PLOD1: variants seen among roughly 807,000 people sequenced by gnomAD.
The protein encoded by PLOD1 is procollagen-lysine,2-oxoglutarate 5-dioxygenase 1.
In PLOD1, 70 loss-of-function variants were observed where a neutral mutation model predicts 94.7. The observed-to-expected ratio is 0.74, with a 90% CI of 0.61 to 0.90. The LOEUF is 0.90. Among genes scored for constraint, PLOD1 ranks in the 40% least tolerant of loss-of-function variants. PLOD1 has a pLI of 0.00. For synonymous variants in PLOD1, 417 were observed against 400.2 expected (o/e 1.04, Z -0.50); for missense variants, 905 against 972.7 (o/e 0.93, Z 0.93).
chr1:11,953,825 A>T lies in PLOD1; in HGVS notation c.580-1005A>T, dbSNP rs1202045014. Among the ~76,000 whole-genome samples the T allele has an allele frequency of 2.0e-5, 3 of 151,860 alleles. No individual in the cohort carries two copies. The South Asian group carries it at 6.2e-4, about 31-fold the overall frequency. On this transcript the variant is annotated intron_variant, in intron 5 of 18. Coordinates refer to ENST00000196061, the MANE Select transcript of PLOD1 (RefSeq NM_000302.4). ...AAAGCAATAATGATAATACTTTCTC[A>T]CAGAGATGTTGTCAGGATTAAATTG... is the stretch of plus-strand genomic sequence containing the variant.
chr1:11,965,482 T>C lies in PLOD1; in HGVS notation c.1473T>C (p.Asp491=), dbSNP rs139165192. The stretch of plus-strand genomic sequence containing the variant: ...TCCACCGGGCCTGTCCTCCCCAGGA[T>C]GTGTTCATGTTCCTGACCAACCGGC... The part of the protein sequence containing the change: ...MAFCANIRQQ[D]VFMFLTNRHT... The change falls in exon 14 of 19, where the codon GAT becomes GAC. Residue 491 remains aspartate, a splice_region_variant and synonymous_variant. Coordinates refer to ENST00000196061, the MANE Select transcript of PLOD1 (RefSeq NM_000302.4). 9.4e-5 allele frequency: 150 copies of C among 1,600,932 alleles called. No homozygotes were observed. The African/African-American group carries it at 1.6e-3, about 17-fold the overall frequency.
chr1:11,960,305 C>G (rs1645768976), intron 9 of PLOD1, among the ~76,000 whole-genome samples: 1 of 152,196 alleles, frequency 6.6e-6, no homozygotes, highest in African/African-American at 2.4e-5. Flanking sequence ...TTGAGGATCA[C>G]CTGGCACATT....
In PLOD1 at chr1:11,957,754, G is replaced by A. The variant is rs1645748839; in HGVS notation, c.742-88G>A. ...GAGTGGGAGGGGGCTGGATGGTGCT[G>A]ACCCACTGGGGGCCCAGGGAGATGT... On this transcript the variant is annotated intron_variant, in intron 7 of 18. Coordinates refer to ENST00000196061, the MANE Select transcript of PLOD1 (RefSeq NM_000302.4). This position sits in a 1 kb window ranked among gnomAD's most constrained non-coding sequence, Gnocchi z 4.1. The A allele has an allele frequency of 2.3e-6, 2 of 872,784 alleles. No individual in the cohort carries two copies. The highest frequency in any genetic ancestry group is 3.3e-5 in the African/African-American group (2 of 60,766). 54.1% of individuals were successfully genotyped at this position (872,784 alleles called of 1,614,324 possible). A position where few individuals can be genotyped will look rare whatever the true frequency, so the allele number is the denominator to read the frequency against.
rs376118516 is a variant in PLOD1 at position 11,957,058 on chromosome 1, G to A, written c.741+44G>A. 1.6e-5 allele frequency: 21 copies of A among 1,282,524 alleles called. No individual in the cohort carries two copies. In the African/African-American group the frequency reaches 3.1e-4, roughly 19 times the overall value. 79.4% of individuals were successfully genotyped at this position (1,282,524 alleles called of 1,614,324 possible). A position where few individuals can be genotyped will look rare whatever the true frequency, so the allele number is the denominator to read the frequency against. On this transcript the variant is annotated intron_variant, in intron 7 of 18. Transcript: ENST00000196061. This position sits in a 1 kb window ranked among gnomAD's most constrained non-coding sequence, Gnocchi z 4.1. The stretch of plus-strand genomic sequence containing the variant: ...CTGGGGAGTGTGGGAGGGGGCCAGA[G>A]CCCTAATTTCATTCTCACTGTGACC...
At position 11,958,732 on chromosome 1, in the gene PLOD1, C is replaced by T; in HGVS notation, c.975+85C>T. 7 of 1,496,326 alleles carry T rather than the reference C, an allele frequency of 4.7e-6. No homozygotes were observed. Among genetic ancestry groups the T allele is most frequent in the Non-Finnish European group, 6.5e-6 (7 of 1,083,362 alleles). The allele number at this position is 1,496,326 out of a possible 1,614,324, so 92.7% of individuals were successfully genotyped here. A position where few individuals can be genotyped will look rare whatever the true frequency, so the allele number is the denominator to read the frequency against. On this transcript the variant is annotated intron_variant, in intron 9 of 18. Transcript: ENST00000196061. The surrounding 1 kb of genome is among the most constrained non-coding windows in gnomAD (Gnocchi z 4.3). Reference sequence around the variant, plus strand: ...AAGGTAGCCCGAGACCTCTGAGGGTCTCACCGAATCTAGCTTATCTGGGCC... The same window carrying T: ...AAGGTAGCCCGAGACCTCTGAGGGTTTCACCGAATCTAGCTTATCTGGGCC...
Position 11,954,840 on chromosome 1 carries a change from A to G in PLOD1, c.590A>G (p.Asn197Ser), listed in dbSNP as rs750416079. 12 of 1,613,610 alleles carry G rather than the reference A, an allele frequency of 7.4e-6. No individual in the cohort carries two copies. The highest frequency in any genetic ancestry group is 1.7e-5 in the Admixed American group (1 of 60,004). Residue 197 changes from asparagine to serine, a missense_variant, in exon 6 of 19, where the codon AAT (asparagine) becomes AGT (serine). By Grantham distance (46) the Asn-to-Ser change is conservative (BLOSUM62 1). Coordinates refer to ENST00000196061, the MANE Select transcript of PLOD1 (RefSeq NM_000302.4). ...FLDPEKREQI[N>S]ITLDHRCRIF... The stretch of plus-strand genomic sequence containing the variant: ...CCTTCTTTCCTGCAGGAGCAGATCA[A>G]TATCACCCTGGACCACCGCTGCCGT...
chr1:11,970,024 T>C (rs1209054630), intron 16 of PLOD1, among the ~76,000 whole-genome samples: 1 of 151,104 alleles, frequency 6.6e-6, no homozygotes, highest in East Asian at 1.9e-4. Context: ...GCAGATCACC[T>C]GAGGTCAGGA....
chr1:11,935,370 G>T (rs141301649), intron 1 of PLOD1, among the ~76,000 whole-genome samples: 3 of 152,264 alleles, frequency 2.0e-5, no homozygotes, highest in African/African-American at 7.2e-5. Flanking sequence ...TCTTGAGGGG[G>T]ACAGGGGAGG....
chr1:11,954,477 A>G (rs1203956163), intron 5 of PLOD1: 7 of 530,148 alleles, frequency 1.3e-5, no homozygotes, highest in Non-Finnish European at 2.3e-5. Context: ...CAAGAGCGAA[A>G]CTCTTTCTCA....
At chr1:11,951,889 A>T (rs1645705577) in intron 4 of PLOD1, among the ~76,000 whole-genome samples, 1 of 152,136 alleles carries the variant, frequency 6.6e-6, no homozygotes. Flanking sequence ...ACTGCACTCC[A>T]GCCTGGGCGA....
In PLOD1 at chr1:11,957,862, C is replaced by T; in HGVS notation, c.762C>T (p.Gly254=). 1 of 1,613,956 alleles carries T rather than the reference C, an allele frequency of 6.2e-7. No homozygotes were observed. The highest frequency in any genetic ancestry group is 8.5e-7 in the Non-Finnish European group (1 of 1,179,828). ...GACAGCTGCAGTTGAACTACCTGGG[C>T]AACTACATCCCGCGCTTCTGGACCT... is the stretch of plus-strand genomic sequence containing the variant. ...GPTKLQLNYL[G]NYIPRFWTFE... Residue 254 remains glycine, a synonymous_variant, in exon 8 of 19, where the codon GGC becomes GGT. Coordinates refer to ENST00000196061, the MANE Select transcript of PLOD1 (RefSeq NM_000302.4). The surrounding 1 kb of genome is among the most constrained non-coding windows in gnomAD (Gnocchi z 4.1).
At chr1:11,954,181 GAGTA>G in intron 5 of PLOD1, 2 of 162,556 alleles carry the variant, frequency 1.2e-5, no homozygotes, top group Non-Finnish European at 2.7e-5. Flanking sequence ...AGAATATTTG[GAGTA>G]GCGGCCAGGT....
Position 11,972,857 on chromosome 1 carries a change from C to T in PLOD1, c.1903-15C>T. On this transcript the variant is annotated splice_polypyrimidine_tract_variant and intron_variant, in intron 17 of 18. Transcript: ENST00000196061. This position sits in a 1 kb window ranked among gnomAD's most constrained non-coding sequence, Gnocchi z 4.6. The stretch of plus-strand genomic sequence containing the variant: ...TAACTAACACGGGCTCTCTTGTCCC[C>T]CTGCCTTGGTACAGGCCCAGTTTGA... 6.8e-6 allele frequency: 11 copies of T among 1,613,904 alleles called. No homozygotes were observed. The highest frequency in any genetic ancestry group is 8.5e-6 in the Non-Finnish European group (10 of 1,179,860).
At position 11,962,914 on chromosome 1, in the gene PLOD1, G is replaced by C. The variant is rs942747001; in HGVS notation, c.1098-618G>C. ...AAATTAGCCTGGCATGGTGGTGCAC[G>C]CCTCTAATCCCAGCTACTTGGGAGG... On this transcript the variant is annotated intron_variant, in intron 10 of 18. Transcript: ENST00000196061. Among the ~76,000 whole-genome samples the C allele has an allele frequency of 3.9e-5, 6 of 152,122 alleles. No homozygotes were observed. In the East Asian group the frequency reaches 1.2e-3, roughly 29 times the overall value.
At chr1:11,973,500 C>T (rs182416833) in intron 18 of PLOD1, among the ~76,000 whole-genome samples, 10 of 150,088 alleles carry the variant, frequency 6.7e-5, no homozygotes, top group Non-Finnish European at 1.5e-4. Context: ...ACTCTGTCTC[C>T]AAAAAAAACA....
chr1:11,964,567 C>A lies in PLOD1; in HGVS notation c.1329-77C>A, dbSNP rs979325943. ...ACCCAGACTCCAGGCTATGACTCCC[C>A]ACCACCACCCTGTGACCCCCTCCAT... On this transcript the variant is annotated intron_variant, in intron 12 of 18. Coordinates refer to ENST00000196061, the MANE Select transcript of PLOD1 (RefSeq NM_000302.4). The A allele has an allele frequency of 5.5e-6, 8 of 1,456,184 alleles. No individual in the cohort carries two copies. The African/African-American group carries it at 8.4e-5, about 15-fold the overall frequency. The allele number at this position is 1,456,184 out of a possible 1,614,324, so 90.2% of individuals were successfully genotyped here. A position where few individuals can be genotyped will look rare whatever the true frequency, so the allele number is the denominator to read the frequency against.
In PLOD1 at chr1:11,964,687, A is replaced by G; in HGVS notation, c.1372A>G (p.Lys458Glu). 1.9e-6 allele frequency: 3 copies of G among 1,613,304 alleles called. No homozygotes were observed. The highest frequency in any genetic ancestry group is 2.5e-6 in the Non-Finnish European group (3 of 1,179,916). ...VPYISNIYLIKGSALRGELQS... is the reference protein window; with the variant it reads ...VPYISNIYLIEGSALRGELQS... ...CTATATTTCAAACATCTACTTGATC[A>G]AGGGCAGTGCCCTGCGGGGTGAGCT... The change falls in exon 13 of 19, where the codon AAG becomes GAG. Residue 458 changes from lysine (K) to glutamate (E), a missense_variant. By Grantham distance (56) the Lys-to-Glu change is moderately conservative. Transcript: ENST00000196061.
chr1:11,960,784 A>G lies in PLOD1; in HGVS notation c.1097+17A>G, dbSNP rs202022200. Reference sequence around the variant, plus strand: ...CATGGGCGCGTGAGTTGTGGGCCACAGTACTCTCCACTGACAGTGGGGGCA... The same window carrying G: ...CATGGGCGCGTGAGTTGTGGGCCACGGTACTCTCCACTGACAGTGGGGGCA... On this transcript the variant is annotated intron_variant, in intron 10 of 18. Transcript: ENST00000196061. 1.2e-6 allele frequency: 2 copies of G among 1,612,262 alleles called. No individual in the cohort carries two copies. Among genetic ancestry groups the G allele is most frequent in the South Asian group, 1.1e-5 (1 of 91,024 alleles).
chr1:11,959,073 C>T (rs1645759784), intron 9 of PLOD1, among the ~76,000 whole-genome samples: 1 of 151,962 alleles, frequency 6.6e-6, no homozygotes. Context: ...GGTGTGGTGG[C>T]AGATGCCTGT....
Sources: gnomAD v4.1 joint callset for allele counts (sites outside exome capture counted in the v4.1 genomes callset) on GRCh38, gnomAD v4.1.1 for gene constraint, Gnocchi (gnomAD v3.1) non-coding constraint, MANE v1.5 for transcripts, NCBI Gene and HGNC (gene_info 2026-07-23, HGNC 2026-07-21) for gene names.